Variants in PAN2 observed in about 807,000 individuals in gnomAD.
PAN2 encodes PAN2-PAN3 deadenylation complex catalytic subunit PAN2.
PAN2 carries 68 observed loss-of-function variants against 133.3 expected under a neutral mutation model. That is an observed-to-expected ratio of 0.51 (90% CI 0.42 to 0.62). The LOEUF is 0.62. Among genes scored for constraint, PAN2 ranks in the 20% least tolerant of loss-of-function variants. PAN2 has a pLI of 0.00. For synonymous variants in PAN2, 462 were observed against 544.6 expected (o/e 0.85, Z 2.11); for missense variants, 1,042 against 1,500.5 (o/e 0.69, Z 5.05).
At position 56,321,045 on chromosome 12, in the gene PAN2, CA is replaced by C. The variant is rs1317423516; in HGVS notation, c.2789-1025del. On this transcript the variant is annotated intron_variant, in intron 20 of 25. Transcript: ENST00000440411. The stretch of plus-strand genomic sequence containing the variant: ...TGCCATTGCACTCCAGCCTGGGTGA[CA>C]AGAGTGAAACTCTGTCCAAAAAAAA... 2.9e-5 allele frequency among the ~76,000 whole-genome samples: 4 copies of C among 135,666 alleles called. No homozygotes were observed. In the East Asian group the frequency reaches 8.9e-4, roughly 30 times the overall value. 89.0% of individuals were successfully genotyped at this position (135,666 alleles called of 152,430 possible).
chr12:56,321,374 G>A (rs1874511995), intron 20 of PAN2, among the ~76,000 whole-genome samples: 3 of 150,402 alleles, frequency 2.0e-5, no homozygotes, highest in African/African-American at 7.3e-5. Flanking sequence ...GACAACAGGA[G>A]CACATCACCA....
chr12:56,318,123 G>T, intron 25 of PAN2, 114 bp downstream of exon 25: 1 of 851,014 alleles, frequency 1.2e-6, no homozygotes, highest in Non-Finnish European at 2.0e-6. Flanking sequence ...GCTGCAGTGA[G>T]CTGTAATCAC....
chr12:56,322,334 G>A (rs1874649187), intron 19 of PAN2, 89 bp downstream of exon 19: 2 of 1,191,504 alleles, frequency 1.7e-6, no homozygotes, highest in East Asian at 2.3e-5. Context: ...CCTCCCTGTT[G>A]AATCTGCCTG....
chr12:56,327,478 C>A lies in PAN2; in HGVS notation c.805G>T (p.Val269Leu), dbSNP rs1252865764. The A allele has an allele frequency of 6.2e-7, 1 of 1,614,220 alleles. No individual in the cohort carries two copies. Among genetic ancestry groups the A allele is most frequent in the Non-Finnish European group, 8.5e-7 (1 of 1,180,048 alleles). ...GCACGCATCATGCGCAAATCATACA[C>A]CTTGAGGAAACGGTCGCAGGCCAGG... The part of the protein sequence containing the change: ...TGLACDRFLK[V>L]YDLRMMRAIT... The change falls in exon 6 of 26, where the codon GTG (valine) becomes TTG (leucine). Residue 269 changes from valine to leucine, a missense_variant. Physicochemically the swap from Val to Leu is conservative, Grantham distance 32. This residue lies in a region of PAN2 where 908 missense variants were observed against 1,223.5 expected (regional missense o/e 0.74). Coordinates refer to ENST00000440411, the MANE Select transcript of PAN2 (RefSeq NM_014871.6).
At position 56,319,467 on chromosome 12, in the gene PAN2, T is replaced by C. The variant is rs777684980; in HGVS notation, c.3111A>G (p.Gln1037=). 8 of 1,613,594 alleles carry C rather than the reference T, an allele frequency of 5.0e-6. No individual in the cohort carries two copies. Among genetic ancestry groups the C allele is most frequent in the Admixed American group, 1.7e-5 (1 of 59,878 alleles). The change falls in exon 23 of 26, where the codon CAA becomes CAG. Residue 1037 remains glutamine, a synonymous_variant. Transcript: ENST00000440411. This position sits in a 1 kb window ranked among gnomAD's most constrained non-coding sequence, Gnocchi z 5.4. ...GGTCACCAGGCTTTATACCCGAGTA[T>C]TGAGTCAAGTAATCCACCACCTAGG... ...TQEQVVDYLT[Q]YSGIKPGDLD... is the part of the protein sequence containing the mutation.
Position 56,324,411 on chromosome 12 carries a change from G to A in PAN2, c.1811C>T (p.Ser604Leu), listed in dbSNP as rs759454184. ...GAGCCTGGCCAGATTGCCCTTGCCT[G>A]AGGCCTCATCTGAGTCAGCCAGGAT... is the stretch of plus-strand genomic sequence containing the variant. ...GLILADSDEASGKGNLARLIQ... is the reference protein window; with the variant it reads ...GLILADSDEALGKGNLARLIQ... Residue 604 changes from serine to leucine, a missense_variant, in exon 12 of 26, where the codon TCA becomes TTA. Physicochemically the swap from Ser to Leu is moderately radical, Grantham distance 145. Coordinates refer to ENST00000440411, the MANE Select transcript of PAN2 (RefSeq NM_014871.6). The A allele has an allele frequency of 1.3e-5, 21 of 1,614,104 alleles. No homozygotes were observed. The highest frequency in any genetic ancestry group is 2.2e-5 in the East Asian group (1 of 44,898).
intron 2 of PAN2, among the ~76,000 whole-genome samples, chr12:56,329,009 A>C (rs372548764): frequency 6.6e-6 from 1 of 152,186 alleles, no homozygotes; most frequent in Non-Finnish European, 1.5e-5. Context: ...GAGGATGTGC[A>C]TAAGGTTATA....
rs546168745 is a variant in PAN2, at chr12:56,328,430, G to A, written c.452+42C>T. 3.0e-5 allele frequency: 49 copies of A among 1,609,514 alleles called. 1 individual carries two copies. In the South Asian group the frequency reaches 4.5e-4, roughly 15 times the overall value. On this transcript the variant is annotated intron_variant, in intron 3 of 25. Coordinates refer to ENST00000440411, the MANE Select transcript of PAN2 (RefSeq NM_014871.6). ...CAATCCCTTAGCCTTCCCACCCTAT[G>A]AGGCATCCTCGTTCCTAGTCCAGAG... is the stretch of plus-strand genomic sequence containing the variant.
At chr12:56,331,700 G>GT (rs67869491) in intron 2 of PAN2, among the ~76,000 whole-genome samples, 66,493 of 125,106 alleles carry the variant, frequency 0.53, 15,807 homozygotes, top group South Asian at 0.72. Flanking sequence ...GAAGGACAGC[G>GT]TTTTTTTTTT....
chr12:56,333,032 C>T lies in PAN2; in HGVS notation c.63G>A (p.Leu21=). ...AEYAPAMHSA[L]DPVLDAHLNP... is the part of the protein sequence containing the mutation. Reference sequence around the variant, plus strand: ...TCAGGTGGGCATCCAAGACAGGGTCCAGGGCAGAATGCATGGCTGGGGCAT... The same window carrying T: ...TCAGGTGGGCATCCAAGACAGGGTCTAGGGCAGAATGCATGGCTGGGGCAT... The change falls in exon 2 of 26, where the codon CTG becomes CTA. Residue 21 remains leucine (L), a synonymous_variant. Coordinates refer to ENST00000440411, the MANE Select transcript of PAN2 (RefSeq NM_014871.6). 6.2e-7 allele frequency: 1 copy of T among 1,614,144 alleles called. No individual in the cohort carries two copies. Among genetic ancestry groups the T allele is most frequent in the African/African-American group, 1.3e-5 (1 of 75,042 alleles).
At position 56,325,132 on chromosome 12, in the gene PAN2, AG is replaced by A; in HGVS notation, c.1480-5del. 1 of 1,613,588 alleles carries A rather than the reference AG, an allele frequency of 6.2e-7. No homozygotes were observed. Among genetic ancestry groups the A allele is most frequent in the Admixed American group, 1.7e-5 (1 of 59,910 alleles). On this transcript the variant is annotated splice_polypyrimidine_tract_variant and splice_region_variant and intron_variant, in intron 9 of 25. Transcript: ENST00000440411. The stretch of plus-strand genomic sequence containing the variant: ...GCTTGGAATATTTGATGGTCACCTA[AG>A]GTAGAAATTGTCTGAGCAAGACAAG...
In PAN2 at chr12:56,328,027, G is replaced by A. The variant is rs764508953; in HGVS notation, c.619C>T (p.Arg207Cys). ...PGVTIMRQTN[R>C]FFFCGHTSGK... ...GACGTGTGGCCGCAGAAGAAGAAGC[G>A]ATTTGTCTGTCTCATGATGGTGACT... Residue 207 changes from arginine (R) to cysteine (C), a missense_variant, in exon 5 of 26, where the codon CGC becomes TGC. By Grantham distance (180) the Arg-to-Cys change is radical. This residue lies in a region of PAN2 where 908 missense variants were observed against 1,223.5 expected (regional missense o/e 0.74). Transcript: ENST00000440411. 3.1e-6 allele frequency: 5 copies of A among 1,613,890 alleles called. No individual in the cohort carries two copies. Among genetic ancestry groups the A allele is most frequent in the Admixed American group, 1.7e-5 (1 of 60,006 alleles).
intron 17 of PAN2, 93 bp downstream of exon 17, chr12:56,322,969 C>T: frequency 1.3e-6 from 2 of 1,491,476 alleles, no homozygotes; most frequent in East Asian, 2.3e-5. Context: ...CTTCCTTTTC[C>T]CTCTGCTAAG....
chr12:56,332,600 GAAAAAA>G (rs373985446), intron 2 of PAN2: 200 of 323,052 alleles, frequency 6.2e-4, no homozygotes, highest in East Asian at 9.4e-4. Context: ...ACCCTGTCTC[GAAAAAA>G]AAAAAAAAAA....
rs1219117011 is a variant in PAN2, at chr12:56,324,830, T to C, written c.1600-121A>G. 10 of 1,397,820 alleles carry C rather than the reference T, an allele frequency of 7.2e-6. No individual in the cohort carries two copies. In the African/African-American group the frequency reaches 1.3e-4, roughly 18 times the overall value. The allele number at this position is 1,397,820 out of a possible 1,614,324, so 86.6% of individuals were successfully genotyped here. ...AGCAGGAGTCCACCGAAGCAGTGAG[T>C]CCACCAAACCGGTGGAGCTCAGAGG... On this transcript the variant is annotated intron_variant, in intron 10 of 25. Transcript: ENST00000440411.
intron 2 of PAN2, among the ~76,000 whole-genome samples, chr12:56,330,798 TTTTC>T (rs1475438407): frequency 1.3e-5 from 2 of 151,624 alleles, no homozygotes; most frequent in Admixed American, 6.6e-5. Flanking sequence ...CTCATTGTAT[TTTTC>T]TTTTTCTTTT....
Position 56,326,413 on chromosome 12 carries a change from C to T in PAN2, c.1263-4G>A, listed in dbSNP as rs777802712. 6.3e-7 allele frequency: 1 copy of T among 1,584,350 alleles called. No homozygotes were observed. Among genetic ancestry groups the T allele is most frequent in the African/African-American group, 1.3e-5 (1 of 74,618 alleles). On this transcript the variant is annotated splice_region_variant and splice_polypyrimidine_tract_variant and intron_variant, in intron 7 of 25. Transcript: ENST00000440411. ...TGCATCCACGGGTGGTGCTCGCCTA[C>T]AATCCAGCATAGTTCTAGGACTTAA... is the stretch of plus-strand genomic sequence containing the variant.
At chr12:56,330,104 G>A (rs994270846) in intron 2 of PAN2, among the ~76,000 whole-genome samples, 2 of 152,068 alleles carry the variant, frequency 1.3e-5, no homozygotes, top group Non-Finnish European at 2.9e-5. Flanking sequence ...TAAAGGAGAG[G>A]CACAAGGATA....
Position 56,326,743 on chromosome 12 carries a change from A to T in PAN2, c.1136T>A (p.Leu379His), listed in dbSNP as rs145299255. The change falls in exon 7 of 26, where the codon CTC becomes CAC. Residue 379 changes from leucine to histidine, a missense_variant. Physicochemically the swap from Leu to His is moderately conservative, Grantham distance 99. This residue lies in a region of PAN2 where 908 missense variants were observed against 1,223.5 expected (regional missense o/e 0.74). Coordinates refer to ENST00000440411, the MANE Select transcript of PAN2 (RefSeq NM_014871.6). ...GTCCAGAGGAGGCAGTGAGTCCACG[A>T]GACACGGCAAAGCAAACTCAGTCTC... The part of the protein sequence containing the change: ...SRETEFALPC[L>H]VDSLPPLDWS... 6.2e-7 allele frequency: 1 copy of T among 1,614,062 alleles called. No homozygotes were observed. The highest frequency in any genetic ancestry group is 1.3e-5 in the African/African-American group (1 of 74,930).
Sources: gnomAD v4.1 joint callset for allele counts (sites outside exome capture counted in the v4.1 genomes callset) on GRCh38, gnomAD v4.1.1 for gene constraint, gnomAD v4.1.1 regional missense constraint, Gnocchi (gnomAD v3.1) non-coding constraint, MANE v1.5 for transcripts, NCBI Gene and HGNC (gene_info 2026-07-23, HGNC 2026-07-21) for gene names.